Variants in SMG1 observed in about 807,000 individuals in gnomAD.
The protein encoded by SMG1 is serine/threonine-protein kinase SMG1.
Under a neutral mutation model 419.9 loss-of-function variants are expected in SMG1, and 22 were observed. That is an observed-to-expected ratio of 0.05 (90% CI 0.04 to 0.07). The LOEUF (loss-of-function observed/expected upper bound fraction) is 0.07, where lower values mean the gene tolerates loss of function less well. SMG1 is among the 10% of genes least tolerant of loss of function. SMG1 has a pLI of 1.00. For missense variants in SMG1, 3,185 were observed against 4,342.0 expected (o/e 0.73, Z 7.49); for synonymous variants, 1,538 against 1,553.5 (o/e 0.99, Z 0.23).
chr16:18,892,130 T>A (rs2036912227), intron 4 of SMG1, 88 bp downstream of exon 4: 1 of 887,974 alleles, frequency 1.1e-6, no homozygotes, highest in Non-Finnish European at 1.8e-6. Context: ...ATACAGACTT[T>A]CCCCATTCTT....
At position 18,841,687 on chromosome 16, in the gene SMG1, G is replaced by A. The variant is rs1432815055; in HGVS notation, c.6574C>T (p.His2192Tyr). The change falls in exon 41 of 63, where the codon CAC (histidine) becomes TAC (tyrosine). Residue 2192 changes from histidine (H) to tyrosine (Y), a missense_variant. His to Tyr is a moderately conservative substitution (Grantham distance 83, BLOSUM62 2). Coordinates refer to ENST00000446231, the MANE Select transcript of SMG1 (RefSeq NM_015092.5). ...RQETPRFHAR[H>Y]YSVTPLGTRS... ...GTTCCTAGTGGTGTTACAGAATAGT[G>A]TCGAGCATGGAACCGGGGTGTTTCT... 9 of 1,613,868 alleles carry A rather than the reference G, an allele frequency of 5.6e-6. No homozygotes were observed. Among genetic ancestry groups the A allele is most frequent in the Non-Finnish European group, 7.6e-6 (9 of 1,179,890 alleles).
intron 1 of SMG1, among the ~76,000 whole-genome samples, chr16:18,918,058 C>A (rs1437513572): frequency 6.6e-6 from 1 of 151,456 alleles, no homozygotes; most frequent in Non-Finnish European, 1.5e-5. Flanking sequence ...GTCATGAGTT[C>A]AAGACAAGCC....
At chr16:18,816,662 A>T (rs527702613) in intron 57 of SMG1, 133 bp from the exon 58 acceptor site, 203 of 663,182 alleles carry the variant, frequency 3.1e-4, no homozygotes, top group Middle Eastern at 1.2e-3. Context: ...GTCATGAATT[A>T]ATTACCTACA....
chr16:18,867,385 T>G (rs2035570047), intron 22 of SMG1, among the ~76,000 whole-genome samples: 1 of 151,814 alleles, frequency 6.6e-6, no homozygotes, highest in Non-Finnish European at 1.5e-5. Flanking sequence ...AATACAAAAC[T>G]TAGCCGAGTA....
rs758667093 is a variant in SMG1, at chr16:18,838,465, A to T, written c.7086T>A (p.Gly2362=). ...HIDYNVCFEK[G]KSLRVPEKVP... The stretch of plus-strand genomic sequence containing the variant: ...CTTTCTCAGGAACTCTAAGGCTTTT[A>T]CCTTGAAAAGACAAATCATTATATT... Residue 2362 remains glycine (G), a splice_region_variant and synonymous_variant, in exon 44 of 63, where the codon GGT becomes GGA. Transcript: ENST00000446231. The T allele has an allele frequency of 1.2e-6, 2 of 1,614,034 alleles. No homozygotes were observed. Among genetic ancestry groups the T allele is most frequent in the Admixed American group, 1.7e-5 (1 of 60,034 alleles).
intron 13 of SMG1, among the ~76,000 whole-genome samples, chr16:18,874,584 G>C (rs1191541568): frequency 2.1e-5 from 3 of 145,944 alleles, no homozygotes; most frequent in Non-Finnish European, 4.5e-5. Flanking sequence ...AAAAAAAGCA[G>C]GCTGGGCGCG....
intron 1 of SMG1, among the ~76,000 whole-genome samples, chr16:18,900,406 C>T (rs2037301001): frequency 6.6e-6 from 1 of 152,160 alleles, no homozygotes; most frequent in South Asian, 2.1e-4. Flanking sequence ...AGACCTCACA[C>T]CAACAATCCA....
intron 60 of SMG1, among the ~76,000 whole-genome samples, chr16:18,814,950 C>T (rs1279933917): frequency 6.7e-6 from 1 of 149,428 alleles, no homozygotes; most frequent in Non-Finnish European, 1.5e-5. Flanking sequence ...AACTCCTGGC[C>T]TTAGACAATC....
chr16:18,899,388 C>T (rs972386108), intron 1 of SMG1, among the ~76,000 whole-genome samples: 2 of 152,024 alleles, frequency 1.3e-5, no homozygotes, highest in Non-Finnish European at 2.9e-5. Context: ...AAAAAACTAA[C>T]TGGAATAGAG....
intron 11 of SMG1, chr16:18,878,893 C>A: frequency 6.3e-6 from 1 of 157,900 alleles, no homozygotes; most frequent in Non-Finnish European, 1.4e-5. Flanking sequence ...GCCTGTAGTC[C>A]TAGCTACCTG....
At position 18,882,177 on chromosome 16, in the gene SMG1, T is replaced by A. The variant is rs1217711640; in HGVS notation, c.1281A>T (p.Ala427=). ...SPIRGPPITE[A]YVTDVLYRVM... ...CAAAAGCACTTACATCTGTTACATA[T>A]GCCTCAGTAATTGGAGGACCCCGAA... Residue 427 remains alanine (A), a synonymous_variant, in exon 10 of 63, where the codon GCA becomes GCT. Transcript: ENST00000446231. 27 of 1,581,266 alleles carry A rather than the reference T, an allele frequency of 1.7e-5. No homozygotes were observed. Among genetic ancestry groups the A allele is most frequent in the Non-Finnish European group, 2.3e-5 (27 of 1,165,932 alleles).
chr16:18,881,003 G>A (rs1158966257), intron 10 of SMG1, among the ~76,000 whole-genome samples: 1 of 149,752 alleles, frequency 6.7e-6, no homozygotes, highest in African/African-American at 2.5e-5. Context: ...GGTGACACTC[G>A]CTTGTAGGGC....
At position 18,858,636 on chromosome 16, in the gene SMG1, T is replaced by A. The variant is rs1285695902; in HGVS notation, c.4114-346A>T. Reference sequence around the variant, plus strand: ...TACAACTAATGCTTTATAATGAAGTTCTCGAAGATCATCATTCATTCAGAA... The same window carrying A: ...TACAACTAATGCTTTATAATGAAGTACTCGAAGATCATCATTCATTCAGAA... On this transcript the variant is annotated intron_variant, in intron 28 of 62. Transcript: ENST00000446231. 5 of 212,524 alleles carry A rather than the reference T, an allele frequency of 2.4e-5. No individual in the cohort carries two copies. The Admixed American group carries it at 2.7e-4, about 12-fold the overall frequency. 13.2% of individuals were successfully genotyped at this position (212,524 alleles called of 1,614,324 possible). A position where few individuals can be genotyped will look rare whatever the true frequency, so the allele number is the denominator to read the frequency against.
At chr16:18,851,937 T>G (rs2034626362) in intron 33 of SMG1, 130 bp downstream of exon 33, 2 of 963,606 alleles carry the variant, frequency 2.1e-6, no homozygotes, top group Non-Finnish European at 2.9e-6. Flanking sequence ...CATCTTAAAA[T>G]GCAGAAGTTT....
intron 1 of SMG1, among the ~76,000 whole-genome samples, chr16:18,901,059 T>TA (rs1364160837): frequency 4.1e-5 from 6 of 147,800 alleles, no homozygotes; most frequent in African/African-American, 1.5e-4. Context: ...CAGAGAACTT[T>TA]AAGTTCAAAT....
rs184076232 is a variant in SMG1 at position 18,870,507 on chromosome 16, T to G, written c.2492+103A>C. 1.0e-3 allele frequency: 687 copies of G among 682,432 alleles called. 2 individuals are homozygous for G. The African/African-American group carries it at 0.011, about 11-fold the overall frequency. 42.3% of individuals were successfully genotyped at this position (682,432 alleles called of 1,614,324 possible). A position where few individuals can be genotyped will look rare whatever the true frequency, so the allele number is the denominator to read the frequency against. On this transcript the variant is annotated intron_variant, in intron 18 of 62. Transcript: ENST00000446231. ...CTGACAAACAGGGCCATAAAAGATG[T>G]GTCATTAATGCTCTAATAGGTGATC...
At chr16:18,828,300 G>A in intron 54 of SMG1, 132 bp from the exon 55 acceptor site, 1 of 778,774 alleles carries the variant, frequency 1.3e-6, no homozygotes, top group Non-Finnish European at 2.0e-6. Context: ...AGGTAAGCAG[G>A]GAGAAGTAAC....
intron 1 of SMG1, among the ~76,000 whole-genome samples, chr16:18,910,700 TATG>T (rs1207409294): frequency 6.6e-6 from 1 of 152,158 alleles, no homozygotes; most frequent in East Asian, 1.9e-4. Context: ...CTTATAATGA[TATG>T]ATATTTCCCA....
At position 18,839,745 on chromosome 16, in the gene SMG1, G is replaced by A; in HGVS notation, c.6898C>T (p.Leu2300Phe). ...ATPPNLLAKE[L>F]WSSCTTPDEW... Reference sequence around the variant, plus strand: ...TCAGGTGTTGTGCAAGATGACCAGAGCTCTTTGGCAAGGAGATTCGGGGGT... The same window carrying A: ...TCAGGTGTTGTGCAAGATGACCAGAACTCTTTGGCAAGGAGATTCGGGGGT... The change falls in exon 42 of 63, where the codon CTC (leucine) becomes TTC (phenylalanine). Residue 2300 changes from leucine to phenylalanine, a missense_variant. Leu to Phe is a conservative substitution (Grantham distance 22, BLOSUM62 0). Transcript: ENST00000446231. 3 of 1,613,994 alleles carry A rather than the reference G, an allele frequency of 1.9e-6. No homozygotes were observed. The highest frequency in any genetic ancestry group is 2.5e-6 in the Non-Finnish European group (3 of 1,179,904).
Sources: allele counts gnomAD v4.1 joint callset (sites outside exome capture counted in the v4.1 genomes callset), GRCh38; gene constraint gnomAD v4.1.1; transcripts MANE v1.5; gene names NCBI Gene and HGNC (gene_info 2026-07-23, HGNC 2026-07-21).